RAB3B: variants seen among roughly 807,000 people sequenced by gnomAD.
RAB3B encodes ras-related protein Rab-3B.
RAB3B carries 11 observed loss-of-function variants against 20.5 expected under a neutral mutation model. That is an observed-to-expected ratio of 0.54 (90% CI 0.34 to 0.89). RAB3B has a LOEUF of 0.89. Among genes scored for constraint, RAB3B ranks in the 40% least tolerant of loss-of-function variants. The pLI is 0.02. For missense variants in RAB3B, 225 were observed against 280.9 expected, an observed-to-expected ratio of 0.80 and a Z score of 1.42; for synonymous variants, 99 against 106.3, an observed-to-expected ratio of 0.93 and a Z score of 0.42.
At chr1:51,979,391 C>A (rs1685054637) in intron 1 of RAB3B, among the ~76,000 whole-genome samples, 1 of 151,946 alleles carries the variant, frequency 6.6e-6, no homozygotes, top group Non-Finnish European at 1.5e-5. Context: ...CTGCCTTAGC[C>A]TCCCAAGTAG....
At chr1:51,989,228 G>GTGTGTGTT (rs1685191612) in intron 1 of RAB3B, among the ~76,000 whole-genome samples, 1 of 149,266 alleles carries the variant, frequency 6.7e-6, no homozygotes, top group African/African-American at 2.5e-5. Flanking sequence ...GTGTGTGTGT[G>GTGTGTGTT]TGTGTGTGTG....
intron 4 of RAB3B, among the ~76,000 whole-genome samples, chr1:51,927,811 A>G (rs1307020413): frequency 6.6e-6 from 1 of 152,106 alleles, no homozygotes; most frequent in Admixed American, 6.5e-5. Context: ...TCAAAACAAA[A>G]TAAAACAAAA....
In RAB3B at chr1:51,930,975, C is replaced by T. The variant is rs112395685; in HGVS notation, c.472+2343G>A. On this transcript the variant is annotated intron_variant, in intron 4 of 4. Transcript: ENST00000371655. ...GAGGTTGCAGTAAGCCGAGATCGCC[C>T]CACTGCACTCCAGCCTGGGTGACAA... Among the ~76,000 whole-genome samples the T allele has an allele frequency of 4.6e-3, 694 of 152,100 alleles. 11 individuals carry two copies. The highest frequency in any genetic ancestry group is 0.016 in the African/African-American group (671 of 41,476).
intron 4 of RAB3B, among the ~76,000 whole-genome samples, chr1:51,931,698 C>G (rs1557964376): frequency 6.6e-6 from 1 of 151,916 alleles, no homozygotes; most frequent in African/African-American, 2.4e-5. Context: ...TACTGTGACT[C>G]TTTTACGTAT....
chr1:51,929,604 C>A (rs1684295537), intron 4 of RAB3B, among the ~76,000 whole-genome samples: 1 of 152,224 alleles, frequency 6.6e-6, no homozygotes, highest in South Asian at 2.1e-4. Context: ...GTGTGAGCCA[C>A]TGCGCCCAGC....
chr1:51,988,074 T>C (rs567342320), intron 1 of RAB3B, among the ~76,000 whole-genome samples: 41 of 151,944 alleles, frequency 2.7e-4, no homozygotes, highest in Non-Finnish European at 4.3e-4. Context: ...CAGTGTTTGG[T>C]TGAAAAAAAA....
intron 2 of RAB3B, among the ~76,000 whole-genome samples, chr1:51,949,204 T>A (rs1356994000): frequency 6.6e-6 from 1 of 152,236 alleles, no homozygotes; most frequent in Non-Finnish European, 1.5e-5. Context: ...CGCAGCTCCT[T>A]CGCACCCCTG....
At chr1:51,953,961 G>A (rs545109601) in intron 2 of RAB3B, among the ~76,000 whole-genome samples, 1 of 152,230 alleles carries the variant, frequency 6.6e-6, no homozygotes, top group East Asian at 1.9e-4. Context: ...CAAAGGTAAA[G>A]TAAAATAGGA....
At chr1:51,944,142 T>C (rs562389492) in intron 2 of RAB3B, among the ~76,000 whole-genome samples, 7 of 152,312 alleles carry the variant, frequency 4.6e-5, no homozygotes, top group Non-Finnish European at 8.8e-5. Context: ...TAACTGACCA[T>C]TCTGAAAATC....
intron 1 of RAB3B, among the ~76,000 whole-genome samples, chr1:51,981,676 TAAC>T (rs980572074): frequency 1.3e-5 from 2 of 151,936 alleles, no homozygotes; most frequent in Non-Finnish European, 2.9e-5. Context: ...ATGAACTGCA[TAAC>T]AACATTTCAG....
chr1:51,959,061 A>C (rs1684750577), intron 2 of RAB3B, among the ~76,000 whole-genome samples: 1 of 152,226 alleles, frequency 6.6e-6, no homozygotes, highest in African/African-American at 2.4e-5. Flanking sequence ...TCTGGGAGGA[A>C]GACAGGTGAG....
chr1:51,954,964 G>A (rs1002925672), intron 2 of RAB3B, among the ~76,000 whole-genome samples: 1 of 152,218 alleles, frequency 6.6e-6, no homozygotes, highest in Non-Finnish European at 1.5e-5. Context: ...GACGAGAACA[G>A]AAAGCCACTG....
chr1:51,919,808 G>A lies in RAB3B; in HGVS notation c.*119C>T, dbSNP rs1684144697. ...GCAAAGAATAGCAGCAACTCATCTT[G>A]CTCTGAGTGTGGGCAGTGTGTAACA... On this transcript the variant is annotated 3_prime_UTR_variant, in exon 5 of 5. Coordinates refer to ENST00000371655, the MANE Select transcript of RAB3B (RefSeq NM_002867.4). 9.7e-6 allele frequency: 10 copies of A among 1,035,056 alleles called. No individual in the cohort carries two copies. In the East Asian group the frequency reaches 2.6e-4, roughly 27 times the overall value. 64.1% of individuals were successfully genotyped at this position (1,035,056 alleles called of 1,614,324 possible). A position where few individuals can be genotyped will look rare whatever the true frequency, so the allele number is the denominator to read the frequency against.
At chr1:51,950,567 C>T (rs1200038409) in intron 2 of RAB3B, among the ~76,000 whole-genome samples, 1 of 144,788 alleles carries the variant, frequency 6.9e-6, no homozygotes, top group Admixed American at 7.1e-5. Context: ...ATACATATCA[C>T]CTCCTTTTTC....
chr1:51,925,683 C>A (rs1042360483), intron 4 of RAB3B, among the ~76,000 whole-genome samples: 4 of 152,192 alleles, frequency 2.6e-5, no homozygotes, highest in African/African-American at 9.6e-5. Context: ...AGAAGCTTCA[C>A]TTTTTCTTCC....
chr1:51,939,268 T>C (rs72903972), intron 2 of RAB3B, among the ~76,000 whole-genome samples: 2,341 of 152,308 alleles, frequency 0.015, 64 homozygotes, highest in African/African-American at 0.053. Context: ...TCCTCATATA[T>C]TACCTCATTT....
chr1:51,964,876 CT>C (rs1684827265), intron 2 of RAB3B, among the ~76,000 whole-genome samples: 1 of 152,210 alleles, frequency 6.6e-6, no homozygotes, highest in African/African-American at 2.4e-5. Context: ...GCACTTTGCT[CT>C]TCATAATTTA....
intron 2 of RAB3B, among the ~76,000 whole-genome samples, chr1:51,945,198 G>GTCTC (rs1684548066): frequency 6.6e-6 from 1 of 152,076 alleles, no homozygotes; most frequent in Admixed American, 6.5e-5. Flanking sequence ...TTGAAACAGG[G>GTCTC]TCTCACTCTG....
At chr1:51,972,788 G>A (rs1684955946) in intron 2 of RAB3B, among the ~76,000 whole-genome samples, 5 of 152,158 alleles carry the variant, frequency 3.3e-5, no homozygotes. Flanking sequence ...TCTCCAGACT[G>A]TGAGAAAATT....
Sources: gnomAD v4.1 joint callset for allele counts (sites outside exome capture counted in the v4.1 genomes callset) on GRCh38, gnomAD v4.1.1 for gene constraint, MANE v1.5 for transcripts, NCBI Gene and HGNC (gene_info 2026-07-23, HGNC 2026-07-21) for gene names.